Variants in WSB1 observed in about 807,000 individuals in gnomAD.
WSB1 encodes the protein WD repeat and SOCS box containing 1, also known as WD repeat and SOCS box-containing protein 1.
WSB1 carries 23 observed loss-of-function variants against 50.2 expected under a neutral mutation model. That is an observed-to-expected ratio of 0.46 (90% CI 0.33 to 0.65). The LOEUF (loss-of-function observed/expected upper bound fraction) is 0.65, where lower values mean the gene tolerates loss of function less well. Ranked by LOEUF, WSB1 falls within the 30% of genes least tolerant of loss-of-function variation. The pLI is 0.02. For missense variants in WSB1, 492 were observed against 522.3 expected, an observed-to-expected ratio of 0.94 and a Z score of 0.56; for synonymous variants, 179 against 172.0, an observed-to-expected ratio of 1.04 and a Z score of -0.32.
At chr17:27,311,358 A>T in intron 7 of WSB1, 151 bp from the exon 8 acceptor site, 1 of 544,122 alleles carries the variant, frequency 1.8e-6, no homozygotes, top group Non-Finnish European at 3.2e-6. Context: ...AATATTTTGT[A>T]ATTGTATAAA....
intron 3 of WSB1, 199 bp downstream of exon 3, chr17:27,303,834 G>C: frequency 1.6e-6 from 1 of 615,696 alleles, no homozygotes; most frequent in Non-Finnish European, 2.7e-6. Context: ...AGTTCATATT[G>C]CTTCATCACT....
chr17:27,312,174 C>T, intron 8 of WSB1, 36 bp from the exon 9 acceptor site: 1 of 1,586,556 alleles, frequency 6.3e-7, no homozygotes, highest in Non-Finnish European at 8.6e-7. Context: ...AATACATATA[C>T]TTGGGTGACT....
rs1453589090 is a variant in WSB1, at chr17:27,314,201, A to G, written c.*1832A>G. 2 of 152,210 alleles carry G rather than the reference A, an allele frequency of 1.3e-5. No homozygotes were observed. The highest frequency in any genetic ancestry group is 1.5e-5 in the Non-Finnish European group (1 of 68,042). 9.4% of individuals were successfully genotyped at this position (152,210 alleles called of 1,614,324 possible). ...TCATCTGTATTTTACAAAAAGAAGC[A>G]CAAGAAGCATCTAATCTTTATACTT... On this transcript the variant is annotated 3_prime_UTR_variant, in exon 9 of 9. Coordinates refer to ENST00000262394, the MANE Select transcript of WSB1 (RefSeq NM_015626.10).
Position 27,304,811 on chromosome 17 carries a change from T to C in WSB1, c.510T>C (p.Thr170=), listed in dbSNP as rs768514893. The change falls in exon 4 of 9, where the codon ACT becomes ACC. Residue 170 remains threonine, a synonymous_variant. Transcript: ENST00000262394. The stretch of plus-strand genomic sequence containing the variant: ...TCCTCCTTAACTTGGTAGATCATAC[T>C]GAAGTGGTCAGAGATTTAACTTTTG... ...GKLLLNLVDH[T]EVVRDLTFAP... is the part of the protein sequence containing the mutation. The C allele has an allele frequency of 1.2e-6, 2 of 1,614,046 alleles. No individual in the cohort carries two copies. Among genetic ancestry groups the C allele is most frequent in the Non-Finnish European group, 1.7e-6 (2 of 1,179,950 alleles).
At chr17:27,302,007 T>A (rs1567685829) in intron 2 of WSB1, 51 bp downstream of exon 2, 1 of 1,502,528 alleles carries the variant, frequency 6.7e-7, no homozygotes, top group South Asian at 1.4e-5. Context: ...AATTTACCAT[T>A]TTCTCTCAGT....
intron 3 of WSB1, among the ~76,000 whole-genome samples, 161 bp from the exon 4 acceptor site, chr17:27,304,619 G>C (rs1413817984): frequency 1.3e-5 from 2 of 151,520 alleles, no homozygotes; most frequent in Non-Finnish European, 2.9e-5. Context: ...GGCTGAGGTA[G>C]GGGGATTGCT....
intron 7 of WSB1, 120 bp from the exon 8 acceptor site, chr17:27,311,389 G>C (rs546373386): frequency 3.2e-6 from 2 of 632,148 alleles, no homozygotes; most frequent in Admixed American, 6.3e-5. Context: ...ATAATTGCCT[G>C]TTGGTGTGAT....
chr17:27,308,820 T>G, intron 5 of WSB1: 1 of 1,044,268 alleles, frequency 9.6e-7, no homozygotes, highest in Non-Finnish European at 1.2e-6. Context: ...TGGATTTCAG[T>G]ATAGCTTTGT....
Position 27,310,097 on chromosome 17 carries a change from A to G in WSB1, c.921A>G (p.Gly307=). 6.2e-7 allele frequency: 1 copy of G among 1,614,128 alleles called. No individual in the cohort carries two copies. Among genetic ancestry groups the G allele is most frequent in the South Asian group, 1.1e-5 (1 of 91,082 alleles). The change falls in exon 7 of 9, where the codon GGA becomes GGG. Residue 307 remains glycine (G), a synonymous_variant. Coordinates refer to ENST00000262394, the MANE Select transcript of WSB1 (RefSeq NM_015626.10). ...LFPPPTPIFA[G]GANDRWVRSV... is the part of the protein sequence containing the mutation. ...CCCCACCTACTCCAATATTTGCTGG[A>G]GGAGCAAATGACCGGTGGGTACGAT... is the stretch of plus-strand genomic sequence containing the variant.
intron 8 of WSB1, 24 bp downstream of exon 8, chr17:27,311,640 T>A: frequency 7.0e-7 from 1 of 1,424,740 alleles, no homozygotes; most frequent in Non-Finnish European, 9.3e-7. Flanking sequence ...TCTCTTTTTT[T>A]TTTTTTTTTT....
rs549091592 is a variant in WSB1 at position 27,294,204 on chromosome 17, C to T, written c.-192C>T. On this transcript the variant is annotated 5_prime_UTR_variant, in exon 1 of 9. Coordinates refer to ENST00000262394, the MANE Select transcript of WSB1 (RefSeq NM_015626.10). ...AGGGTCTATTGTCTGTGGTTGACTC[C>T]GTACTTTGGTCTGAGGCCTTCGGGA... is the stretch of plus-strand genomic sequence containing the variant. 7 of 615,766 alleles carry T rather than the reference C, an allele frequency of 1.1e-5. No individual in the cohort carries two copies. In the East Asian group the frequency reaches 1.2e-4, roughly 10 times the overall value. 38.1% of individuals were successfully genotyped at this position (615,766 alleles called of 1,614,324 possible).
At position 27,303,357 on chromosome 17, in the gene WSB1, C is replaced by G. The variant is rs375427589; in HGVS notation, c.210-10C>G. ...ATAATACAATTTCCATCTGACTTCC[C>G]CCACTCCAGTCTCTTGCATGGCACC... On this transcript the variant is annotated splice_polypyrimidine_tract_variant and intron_variant, in intron 2 of 8. Coordinates refer to ENST00000262394, the MANE Select transcript of WSB1 (RefSeq NM_015626.10). The G allele has an allele frequency of 1.9e-6, 3 of 1,611,616 alleles. No homozygotes were observed. Among genetic ancestry groups the G allele is most frequent in the Non-Finnish European group, 1.7e-6 (2 of 1,178,628 alleles).
chr17:27,311,841 C>T (rs2017696936), intron 8 of WSB1, among the ~76,000 whole-genome samples: 1 of 151,832 alleles, frequency 6.6e-6, no homozygotes, highest in Admixed American at 6.6e-5. Flanking sequence ...GGGATTTCAC[C>T]ATGTTCGCCT....
intron 1 of WSB1, among the ~76,000 whole-genome samples, chr17:27,300,311 A>G (rs993088763): frequency 6.6e-5 from 10 of 152,214 alleles, no homozygotes; most frequent in Non-Finnish European, 1.2e-4. Flanking sequence ...TATACAGTGT[A>G]CAATTGACCA....
chr17:27,307,845 C>T, intron 5 of WSB1: 2 of 1,508,056 alleles, frequency 1.3e-6, no homozygotes, highest in Non-Finnish European at 1.8e-6. Flanking sequence ...TCTCTGGCTA[C>T]CGGGCTGGGG....
At chr17:27,303,970 G>C (rs1195075034) in intron 3 of WSB1, among the ~76,000 whole-genome samples, 1 of 152,156 alleles carries the variant, frequency 6.6e-6, no homozygotes, top group Non-Finnish European at 1.5e-5. Context: ...CTTTTTCAAT[G>C]ATTGATAGCT....
intron 1 of WSB1, among the ~76,000 whole-genome samples, chr17:27,295,141 C>G (rs1244577471): frequency 6.6e-6 from 1 of 152,196 alleles, no homozygotes; most frequent in African/African-American, 2.4e-5. Context: ...TCCACACCTA[C>G]TTAGTGGCTC....
chr17:27,311,756 C>G, intron 8 of WSB1, 140 bp downstream of exon 8: 1 of 650,256 alleles, frequency 1.5e-6, no homozygotes, highest in Non-Finnish European at 2.5e-6. Context: ...CTCAGCCTCC[C>G]GAGTAGCTGG....
chr17:27,315,650 A>G lies in WSB1; in HGVS notation c.*3281A>G, dbSNP rs544934290. On this transcript the variant is annotated 3_prime_UTR_variant, in exon 9 of 9. Coordinates refer to ENST00000262394, the MANE Select transcript of WSB1 (RefSeq NM_015626.10). ...GCCTGAAACCATTGAGACAGTGATT[A>G]CAACCTCCATATTAATCAGATGAGG... 1 of 152,236 alleles carries G rather than the reference A, an allele frequency of 6.6e-6. No individual in the cohort carries two copies. Among genetic ancestry groups the G allele is most frequent in the Non-Finnish European group, 1.5e-5 (1 of 68,042 alleles). 9.4% of individuals were successfully genotyped at this position (152,236 alleles called of 1,614,324 possible). A position where few individuals can be genotyped will look rare whatever the true frequency, so the allele number is the denominator to read the frequency against.
Sources: gnomAD v4.1 joint callset for allele counts (sites outside exome capture counted in the v4.1 genomes callset) on GRCh38, gnomAD v4.1.1 for gene constraint, MANE v1.5 for transcripts, NCBI Gene and HGNC (gene_info 2026-07-23, HGNC 2026-07-21) for gene names.